CCAR2: variants seen among roughly 807,000 people sequenced by gnomAD.
CCAR2 encodes cell cycle and apoptosis regulator 2.
Under a neutral mutation model 108.1 loss-of-function variants are expected in CCAR2, and 21 were observed. The observed-to-expected ratio is 0.19, with a 90% CI of 0.14 to 0.28. The LOEUF (loss-of-function observed/expected upper bound fraction) is 0.28, where lower values mean the gene tolerates loss of function less well. Among genes scored for constraint, CCAR2 ranks in the 10% least tolerant of loss-of-function variants. CCAR2 has a pLI of 1.00. For synonymous variants in CCAR2, 577 were observed against 472.8 expected (o/e 1.22, Z -2.86); for missense variants, 1,126 against 1,177.0 (o/e 0.96, Z 0.63).
At chr8:22,615,977 C>T in intron 13 of CCAR2, 35 bp from the exon 14 acceptor site, 2 of 1,612,806 alleles carry the variant, frequency 1.2e-6, no homozygotes, top group Non-Finnish European at 1.7e-6. Flanking sequence ...AGTCTTTCTT[C>T]CTGATGCTCA....
intron 14 of CCAR2, 51 bp from the exon 15 acceptor site, chr8:22,617,369 A>T (rs1563924961): frequency 6.6e-7 from 1 of 1,513,316 alleles, no homozygotes; most frequent in Non-Finnish European, 8.8e-7. Flanking sequence ...TACTATTGGT[A>T]ATTATGGTAA....
At chr8:22,617,077 G>A (rs890774544) in intron 14 of CCAR2, among the ~76,000 whole-genome samples, 1 of 151,672 alleles carries the variant, frequency 6.6e-6, no homozygotes, top group East Asian at 2.0e-4. Context: ...GTTTCACCAT[G>A]TTGGCCTGGC....
At chr8:22,613,165 T>C (rs201089201) in intron 8 of CCAR2, 29 bp downstream of exon 8, 82 of 1,533,868 alleles carry the variant, frequency 5.3e-5, no homozygotes, top group Non-Finnish European at 6.5e-5. Flanking sequence ...GTGGGCTGAG[T>C]CTTGCTGCTG....
In CCAR2 at chr8:22,616,241, C is replaced by T. The variant is rs753766277; in HGVS notation, c.1838C>T (p.Ala613Val). ...GAGGGCCCGGCTACAGAGTCAGAGG[C>T]CCCGCTGGTGAGTACCCTGCCACCT... ...QNEGPATESE[A>V]PLKEDGLLPK... The change falls in exon 14 of 21, where the codon GCC (alanine) becomes GTC (valine). Residue 613 changes from alanine (A) to valine (V), a missense_variant. Ala to Val is a moderately conservative substitution (Grantham distance 64). Around this residue, in one of 4 missense-constraint regions of CCAR2, gnomAD observed 1,013 missense variants for 993.9 expected, o/e 1.02. Transcript: ENST00000308511. The T allele has an allele frequency of 1.9e-6, 3 of 1,612,238 alleles. No homozygotes were observed. The highest frequency in any genetic ancestry group is 1.1e-5 in the South Asian group (1 of 91,028).
chr8:22,618,185 G>C lies in CCAR2; in HGVS notation c.2074-164G>C. On this transcript the variant is annotated intron_variant, in intron 16 of 20. Transcript: ENST00000308511. Reference sequence around the variant, plus strand: ...AGTGCACTGCAGCCTCGAACTCCTGGGTTCAAGTGATTCTCCTGCCTTAGC... The same window carrying C: ...AGTGCACTGCAGCCTCGAACTCCTGCGTTCAAGTGATTCTCCTGCCTTAGC... 4 of 860,932 alleles carry C rather than the reference G, an allele frequency of 4.6e-6. No homozygotes were observed. The South Asian group carries it at 4.7e-5, about 10-fold the overall frequency. 53.3% of individuals were successfully genotyped at this position (860,932 alleles called of 1,614,324 possible). A position where few individuals can be genotyped will look rare whatever the true frequency, so the allele number is the denominator to read the frequency against.
At chr8:22,608,842 A>G (rs1367769231) in intron 7 of CCAR2, among the ~76,000 whole-genome samples, 1 of 152,214 alleles carries the variant, frequency 6.6e-6, no homozygotes, top group African/African-American at 2.4e-5. Flanking sequence ...GTAAACAGAA[A>G]GGTGTGAGGA....
intron 6 of CCAR2, 45 bp from the exon 7 acceptor site, chr8:22,607,924 C>T: frequency 6.4e-7 from 1 of 1,554,028 alleles, no homozygotes; most frequent in Non-Finnish European, 8.9e-7. Context: ...TTGCACCCGG[C>T]CGGTTTTTAG....
chr8:22,617,493 C>T lies in CCAR2; in HGVS notation c.1919C>T (p.Ser640Phe). 6.2e-7 allele frequency: 1 copy of T among 1,606,306 alleles called. No homozygotes were observed. Among genetic ancestry groups the T allele is most frequent in the Non-Finnish European group, 8.5e-7 (1 of 1,176,344 alleles). The change falls in exon 15 of 21, where the codon TCT becomes TTT. Residue 640 changes from serine to phenylalanine, a missense_variant. This residue lies in a region of CCAR2 where 1,013 missense variants were observed against 993.9 expected (regional missense o/e 1.02). Transcript: ENST00000308511. Reference sequence around the variant, plus strand: ...GAAGAAAAACCCCGGGGCGAGGCTTCTGAGGACCTGTGTGAGATGGCCCTG... The same window carrying T: ...GAAGAAAAACCCCGGGGCGAGGCTTTTGAGGACCTGTGTGAGATGGCCCTG... Reference protein sequence around the residue: ...EEEEKPRGEASEDLCEMALDP... With the variant: ...EEEEKPRGEAFEDLCEMALDP...
chr8:22,612,366 C>G (rs1801318569), intron 7 of CCAR2, among the ~76,000 whole-genome samples: 1 of 151,976 alleles, frequency 6.6e-6, no homozygotes, highest in Non-Finnish European at 1.5e-5. Context: ...CTTCTGGGTT[C>G]AAGCGATTCT....
rs1383998096 is a variant in CCAR2 at position 22,616,154 on chromosome 8, CCAAGGAGGAAGAAGCCAT to C, written c.1755_1772del (p.Glu588_Glu593del). Reference sequence around the variant, plus strand: ...GAGGAGGCGGCCAAGGAAGAAGCCACCAAGGAGGAAGAAGCCATCAAAGAGGAGGTGGTCAAGGAGCCC... The same window carrying C: ...GAGGAGGCGGCCAAGGAAGAAGCCACCAAAGAGGAGGTGGTCAAGGAGCCC... On this transcript the variant is annotated inframe_deletion, in exon 14 of 21. Transcript: ENST00000308511. The C allele has an allele frequency of 6.2e-7, 1 of 1,613,890 alleles. No individual in the cohort carries two copies. The highest frequency in any genetic ancestry group is 1.7e-5 in the Admixed American group (1 of 59,986).
At chr8:22,609,051 T>C (rs932263704) in intron 7 of CCAR2, among the ~76,000 whole-genome samples, 3 of 137,692 alleles carry the variant, frequency 2.2e-5, no homozygotes, top group Non-Finnish European at 3.2e-5. Context: ...CCTTTTTTTT[T>C]CTTTTTTTTT....
chr8:22,617,154 C>CTTGT lies in CCAR2; in HGVS notation c.1846-263_1846-260dup, dbSNP rs1329897834. 1.9e-4 allele frequency among the ~76,000 whole-genome samples: 29 copies of CTTGT among 151,824 alleles called. 1 individual carries two copies. Among genetic ancestry groups the CTTGT allele is most frequent in the Admixed American group, 1.9e-3 (29 of 15,224 alleles). On this transcript the variant is annotated intron_variant, in intron 14 of 20. Coordinates refer to ENST00000308511, the MANE Select transcript of CCAR2 (RefSeq NM_001393997.1). ...TGTGAGCCACCATGGCCAGCTGCTG[C>CTTGT]TTGTTTAAATACTATCAATCAAATG...
intron 16 of CCAR2, 29 bp downstream of exon 16, chr8:22,617,807 C>T: frequency 6.2e-7 from 1 of 1,609,674 alleles, no homozygotes; most frequent in Non-Finnish European, 8.5e-7. Context: ...CACTCTGGGT[C>T]TCAGTGGTGG....
At chr8:22,614,364 A>G (rs764791450) in intron 9 of CCAR2, 26 bp from the exon 10 acceptor site, 3 of 1,613,922 alleles carry the variant, frequency 1.9e-6, no homozygotes, top group Non-Finnish European at 2.5e-6. Flanking sequence ...GGCTGAAGGC[A>G]GCTCTGAGTG....
chr8:22,605,270 A>C, intron 1 of CCAR2: 1 of 162,380 alleles, frequency 6.2e-6, no homozygotes, highest in Non-Finnish European at 1.4e-5. Context: ...GGCCTCCTCC[A>C]TTTTTCCGGG....
chr8:22,604,825 C>G lies in CCAR2; in HGVS notation c.-56C>G, dbSNP rs2117402223. Reference sequence around the variant, plus strand: ...CCGGGTGTCTTTGTCCCCCCGGTGTCGCTGCCCTGGCCCGCAGGTGGGTTG... The same window carrying G: ...CCGGGTGTCTTTGTCCCCCCGGTGTGGCTGCCCTGGCCCGCAGGTGGGTTG... On this transcript the variant is annotated 5_prime_UTR_variant, in exon 1 of 21. Transcript: ENST00000308511. 2.2e-6 allele frequency: 1 copy of G among 454,902 alleles called. No individual in the cohort carries two copies. Among genetic ancestry groups the G allele is most frequent in the East Asian group, 7.0e-5 (1 of 14,348 alleles). 28.2% of individuals were successfully genotyped at this position (454,902 alleles called of 1,614,324 possible).
chr8:22,604,818 C>G lies in CCAR2; in HGVS notation c.-63C>G, dbSNP rs751491917. Reference sequence around the variant, plus strand: ...GGTGGTTCCGGGTGTCTTTGTCCCCCCGGTGTCGCTGCCCTGGCCCGCAGG... The same window carrying G: ...GGTGGTTCCGGGTGTCTTTGTCCCCGCGGTGTCGCTGCCCTGGCCCGCAGG... On this transcript the variant is annotated 5_prime_UTR_variant, in exon 1 of 21. Coordinates refer to ENST00000308511, the MANE Select transcript of CCAR2 (RefSeq NM_001393997.1). 2 of 455,082 alleles carry G rather than the reference C, an allele frequency of 4.4e-6. No individual in the cohort carries two copies. Among genetic ancestry groups the G allele is most frequent in the South Asian group, 1.6e-5 (1 of 64,482 alleles). The allele number at this position is 455,082 out of a possible 1,614,324, so 28.2% of individuals were successfully genotyped here. A position where few individuals can be genotyped will look rare whatever the true frequency, so the allele number is the denominator to read the frequency against.
chr8:22,615,085 C>G, intron 11 of CCAR2, 84 bp downstream of exon 11: 1 of 1,433,976 alleles, frequency 7.0e-7, no homozygotes, highest in South Asian at 1.4e-5. Flanking sequence ...CTGCCCCTTT[C>G]TGCTGGTTAG....
At chr8:22,606,542 A>G (rs1032607723) in intron 3 of CCAR2, 65 bp from the exon 4 acceptor site, 17 of 1,323,224 alleles carry the variant, frequency 1.3e-5, no homozygotes, top group Non-Finnish European at 1.6e-5. Flanking sequence ...TGAGACCTTC[A>G]TGGCAGAGTG....
Sources: gnomAD v4.1 joint callset for allele counts (sites outside exome capture counted in the v4.1 genomes callset) on GRCh38, gnomAD v4.1.1 for gene constraint, gnomAD v4.1.1 regional missense constraint, MANE v1.5 for transcripts, NCBI Gene and HGNC (gene_info 2026-07-23, HGNC 2026-07-21) for gene names.